The following CLOCK variants were observed in gnomAD, a reference collection of about 807,000 sequenced individuals.
CLOCK encodes circadian locomoter output cycles protein kaput.
A neutral mutation model predicts 118.4 loss-of-function variants in CLOCK; 43 were observed. The observed-to-expected ratio is 0.36, with a 90% CI of 0.28 to 0.47. CLOCK has a LOEUF of 0.47. CLOCK is among the 20% of genes least tolerant of loss of function. CLOCK has a pLI of 1.00. For missense variants in CLOCK, 846 were observed against 999.9 expected (o/e 0.85, Z 2.08); for synonymous variants, 326 against 339.2 (o/e 0.96, Z 0.43).
intron 15 of CLOCK, 52 bp from the exon 16 acceptor site, chr4:55,450,284 T>C (rs1052802743): frequency 6.2e-7 from 1 of 1,606,904 alleles, no homozygotes; most frequent in Non-Finnish European, 8.5e-7. Context: ...TTCAGAGATC[T>C]CAAATTCACA....
intron 2 of CLOCK, among the ~76,000 whole-genome samples, chr4:55,494,861 C>T (rs1727953315): frequency 1.3e-5 from 2 of 152,144 alleles, no homozygotes; most frequent in African/African-American, 4.8e-5. Context: ...GAAATGCAGC[C>T]CGCTGACACC....
At chr4:55,459,968 T>C (rs1398773943) in intron 9 of CLOCK, among the ~76,000 whole-genome samples, 2 of 152,170 alleles carry the variant, frequency 1.3e-5, no homozygotes, top group Admixed American at 1.3e-4. Flanking sequence ...GTCCTTACTA[T>C]CTACTTTTAA....
At chr4:55,521,225 T>TG (rs1387949478) in intron 1 of CLOCK, among the ~76,000 whole-genome samples, 2 of 151,930 alleles carry the variant, frequency 1.3e-5, no homozygotes, top group Non-Finnish European at 2.9e-5. Flanking sequence ...TCTATTTTTT[T>TG]TGTGTTTTTT....
chr4:55,463,722 C>T lies in CLOCK; in HGVS notation c.522G>A (p.Leu174=). 1 of 1,613,006 alleles carries T rather than the reference C, an allele frequency of 6.2e-7. No homozygotes were observed. Among genetic ancestry groups the T allele is most frequent in the Non-Finnish European group, 8.5e-7 (1 of 1,179,296 alleles). Residue 174 remains leucine (L), a synonymous_variant, in exon 9 of 23, where the codon CTG becomes CTA. Transcript: ENST00000513440. The part of the protein sequence containing the change: ...SEVYKILSTH[L]LESDSLTPEY... ...CTGGGGTTAATGAATCACTTTCCAG[C>T]AGATGAGTAGAGAGTATTTTATAAA...
Position 55,455,509 on chromosome 4 carries a change from A to G in CLOCK, c.982+388T>C, listed in dbSNP as rs181056862. On this transcript the variant is annotated intron_variant, in intron 13 of 22. Transcript: ENST00000513440. ...ACCAAGCACTTACTATGAGCTTTCT[A>G]AGACAGATTTTCCAGACATGTACCT... 2.6e-5 allele frequency among the ~76,000 whole-genome samples: 4 copies of G among 152,294 alleles called. No individual in the cohort carries two copies. The East Asian group carries it at 7.7e-4, about 29-fold the overall frequency.
Position 55,480,839 on chromosome 4 carries a change from C to T in CLOCK, c.48-1140G>A, listed in dbSNP as rs1243580045. On this transcript the variant is annotated intron_variant, in intron 4 of 22. Transcript: ENST00000513440. Reference sequence around the variant, plus strand: ...CCAGGAGGTGGAGCTTGCAGTGAGCCGAGATCGTACCACTGCACTCCAGCC... The same window carrying T: ...CCAGGAGGTGGAGCTTGCAGTGAGCTGAGATCGTACCACTGCACTCCAGCC... 4.0e-5 allele frequency among the ~76,000 whole-genome samples: 6 copies of T among 149,418 alleles called. 1 individual carries two copies. Among genetic ancestry groups the T allele is most frequent in the Admixed American group, 2.7e-4 (4 of 14,918 alleles).
At chr4:55,469,423 A>G (rs974994283) in intron 8 of CLOCK, among the ~76,000 whole-genome samples, 5 of 152,094 alleles carry the variant, frequency 3.3e-5, no homozygotes, top group South Asian at 2.1e-4. Flanking sequence ...AGTTAACTCT[A>G]AAACAGCCTC....
At chr4:55,498,057 T>C (rs565564928) in intron 2 of CLOCK, among the ~76,000 whole-genome samples, 2 of 149,952 alleles carry the variant, frequency 1.3e-5, no homozygotes, top group Non-Finnish European at 3.0e-5. Context: ...GGAAATCGGA[T>C]TATTAAGTAG....
intron 2 of CLOCK, among the ~76,000 whole-genome samples, chr4:55,509,672 A>G (rs1464091853): frequency 8.5e-5 from 13 of 152,256 alleles, no homozygotes; most frequent in African/African-American, 3.1e-4. Context: ...TTTGAGCACT[A>G]GTTTTGAGAA....
chr4:55,455,855 A>G (rs1165744598), intron 13 of CLOCK, 42 bp downstream of exon 13: 1 of 1,316,442 alleles, frequency 7.6e-7, no homozygotes, highest in African/African-American at 1.4e-5. Flanking sequence ...ACTTCTGCTT[A>G]TAAAACAGTT....
At chr4:55,528,963 G>A (rs947901691) in intron 1 of CLOCK, among the ~76,000 whole-genome samples, 1 of 152,122 alleles carries the variant, frequency 6.6e-6, no homozygotes, top group Non-Finnish European at 1.5e-5. Context: ...CTCCAACTAT[G>A]TACAAAGAGT....
intron 4 of CLOCK, among the ~76,000 whole-genome samples, chr4:55,480,265 C>T (rs2109899680): frequency 6.6e-6 from 1 of 152,196 alleles, no homozygotes; most frequent in East Asian, 1.9e-4. Context: ...GTTTTTCCTT[C>T]TTTTTCCTTT....
chr4:55,443,593 G>A, intron 20 of CLOCK, 94 bp downstream of exon 20: 1 of 959,376 alleles, frequency 1.0e-6, no homozygotes, highest in Non-Finnish European at 1.7e-6. Context: ...ATTTTGAAAT[G>A]ATATTTTATC....
intron 3 of CLOCK, among the ~76,000 whole-genome samples, chr4:55,483,949 C>T (rs1727114587): frequency 6.6e-6 from 1 of 152,158 alleles, no homozygotes. Context: ...ATCCAAAATA[C>T]TCCAAAATCT....
intron 1 of CLOCK, among the ~76,000 whole-genome samples, chr4:55,537,551 G>A (rs551794782): frequency 2.0e-5 from 3 of 152,014 alleles, no homozygotes; most frequent in East Asian, 1.9e-4. Context: ...CTGAGACGTC[G>A]ACACTGTGGT....
At chr4:55,491,493 T>C (rs1388033372) in intron 2 of CLOCK, among the ~76,000 whole-genome samples, 1 of 151,064 alleles carries the variant, frequency 6.6e-6, no homozygotes. Context: ...AAAGGAGAAA[T>C]TACAACTGAT....
rs576064088 is a variant in CLOCK at position 55,444,434 on chromosome 4, G to A, written c.1692+199C>T. The stretch of plus-strand genomic sequence containing the variant: ...AGATGACTGGAGAAACAAGGATGTT[G>A]ACAGAAATACCCTCAGAAACAAATT... On this transcript the variant is annotated intron_variant, in intron 19 of 22. Transcript: ENST00000513440. 1.6e-4 allele frequency among the ~76,000 whole-genome samples: 25 copies of A among 152,264 alleles called. 1 individual carries two copies. The South Asian group carries it at 2.1e-3, about 13-fold the overall frequency.
intron 18 of CLOCK, among the ~76,000 whole-genome samples, chr4:55,448,179 C>T (rs1222061887): frequency 6.6e-6 from 1 of 152,322 alleles, no homozygotes; most frequent in East Asian, 1.9e-4. Context: ...ATCTGTCATT[C>T]CCTCTAGATG....
chr4:55,481,880 A>G (rs76283939), intron 4 of CLOCK, among the ~76,000 whole-genome samples: 1,926 of 152,304 alleles, frequency 0.013, 45 homozygotes, highest in African/African-American at 0.043. Context: ...TTGCAGAATT[A>G]TTGAGGTTAA....
Sources: gnomAD v4.1 joint callset for allele counts (sites outside exome capture counted in the v4.1 genomes callset) on GRCh38, gnomAD v4.1.1 for gene constraint, MANE v1.5 for transcripts, NCBI Gene and HGNC (gene_info 2026-07-23, HGNC 2026-07-21) for gene names.